NRG3: variants seen among roughly 807,000 people sequenced by gnomAD.
NRG3 encodes the protein pro-neuregulin-3, membrane-bound isoform.
A neutral mutation model predicts 66.9 loss-of-function variants in NRG3; 31 were observed. That is an observed-to-expected ratio of 0.46 (90% CI 0.35 to 0.63). The LOEUF (loss-of-function observed/expected upper bound fraction) is 0.63, where lower values mean the gene tolerates loss of function less well. Ranked by LOEUF, NRG3 falls within the 20% of genes least tolerant of loss-of-function variation. NRG3 has a pLI of 0.00. For synonymous variants in NRG3, 393 were observed against 359.4 expected (o/e 1.09, Z -1.06); for missense variants, 910 against 878.9 (o/e 1.04, Z -0.45).
chr10:82,696,946 G>T (rs1455565652), intron 2 of NRG3, among the ~76,000 whole-genome samples: 1 of 152,174 alleles, frequency 6.6e-6, no homozygotes, highest in Admixed American at 6.5e-5. Context: ...TCCCTCCATT[G>T]CATTTCTGCA....
At chr10:82,383,855 C>T (rs1191405319) in intron 2 of NRG3, among the ~76,000 whole-genome samples, 1 of 151,832 alleles carries the variant, frequency 6.6e-6, no homozygotes, top group Non-Finnish European at 1.5e-5. Flanking sequence ...TCAATGTTCA[C>T]AGATACAAAA....
At chr10:82,952,467 CTCTCTGTG>C (rs1376047239) in intron 5 of NRG3, among the ~76,000 whole-genome samples, 1 of 37,042 alleles carries the variant, frequency 2.7e-5, no homozygotes, top group South Asian at 1.4e-3. Flanking sequence ...CTCTCTCTCT[CTCTCTGTG>C]TGTGTGTGTG....
chr10:82,039,469 G>C (rs1396224524), intron 1 of NRG3, among the ~76,000 whole-genome samples: 1 of 152,034 alleles, frequency 6.6e-6, no homozygotes, highest in South Asian at 2.1e-4. Context: ...TGGCACTAGG[G>C]TATAGCTTCA....
intron 2 of NRG3, among the ~76,000 whole-genome samples, chr10:82,708,942 A>G (rs949868662): frequency 6.6e-6 from 1 of 151,910 alleles, no homozygotes; most frequent in Non-Finnish European, 1.5e-5. Context: ...GCTGTTGGCA[A>G]TTGCCTCTCG....
chr10:82,521,774 G>A (rs1353003270), intron 2 of NRG3, among the ~76,000 whole-genome samples: 1 of 152,048 alleles, frequency 6.6e-6, no homozygotes, highest in African/African-American at 2.4e-5. Context: ...TTAAAAATTG[G>A]GGTCAATCCT....
intron 2 of NRG3, among the ~76,000 whole-genome samples, chr10:82,683,066 C>G (rs962279789): frequency 6.7e-6 from 1 of 149,428 alleles, no homozygotes; most frequent in Admixed American, 6.7e-5. Flanking sequence ...TCACGCCATT[C>G]TCCTGCCTTA....
At chr10:82,738,544 T>G in intron 2 of NRG3, 33 bp from the exon 3 acceptor site, 1 of 1,558,484 alleles carries the variant, frequency 6.4e-7, no homozygotes, top group Non-Finnish European at 8.9e-7. Flanking sequence ...CACAACCACA[T>G]GCGTATGTTT....
chr10:82,948,709 G>C (rs1849251694), intron 4 of NRG3, among the ~76,000 whole-genome samples: 1 of 151,742 alleles, frequency 6.6e-6, no homozygotes, highest in African/African-American at 2.4e-5. Flanking sequence ...ATTTTTCTTT[G>C]TTGCTGTAAA....
intron 1 of NRG3, among the ~76,000 whole-genome samples, chr10:81,999,560 G>T (rs926184504): frequency 4.6e-5 from 7 of 152,086 alleles, no homozygotes; most frequent in African/African-American, 1.7e-4. Context: ...GTTCAAGTTT[G>T]TAATGAGACT....
intron 1 of NRG3, among the ~76,000 whole-genome samples, chr10:81,878,948 T>G (rs532252585): frequency 1.3e-5 from 2 of 152,188 alleles, no homozygotes; most frequent in Admixed American, 1.3e-4. Context: ...TGCTTGCTAA[T>G]GGATAATAGG....
At chr10:81,989,156 G>T (rs1421190406) in intron 1 of NRG3, among the ~76,000 whole-genome samples, 1 of 152,266 alleles carries the variant, frequency 6.6e-6, no homozygotes, top group East Asian at 1.9e-4. Flanking sequence ...ATAGGAATAG[G>T]ATATTGTCAT....
chr10:82,809,378 A>G (rs1004100219), intron 3 of NRG3, among the ~76,000 whole-genome samples: 1 of 150,764 alleles, frequency 6.6e-6, no homozygotes, highest in Admixed American at 6.9e-5. Flanking sequence ...AAAAATATAT[A>G]TTATATTTAT....
intron 2 of NRG3, among the ~76,000 whole-genome samples, chr10:82,503,895 T>G (rs748902781): frequency 3.9e-5 from 6 of 152,034 alleles, no homozygotes; most frequent in Non-Finnish European, 7.4e-5. Context: ...ACTAATGTAG[T>G]GGGGTGTACT....
chr10:82,757,142 T>C (rs193152085), intron 3 of NRG3, among the ~76,000 whole-genome samples: 21 of 152,206 alleles, frequency 1.4e-4, no homozygotes, highest in Non-Finnish European at 2.9e-4. Flanking sequence ...AAAGTGTGTC[T>C]TAGACTTATG....
chr10:82,759,850 A>G (rs2059231856), intron 3 of NRG3, among the ~76,000 whole-genome samples: 1 of 152,110 alleles, frequency 6.6e-6, no homozygotes, highest in Non-Finnish European at 1.5e-5. Context: ...ATACTAATCT[A>G]TTGATGAAAT....
At chr10:82,036,806 A>G (rs1279991230) in intron 1 of NRG3, among the ~76,000 whole-genome samples, 1 of 151,998 alleles carries the variant, frequency 6.6e-6, no homozygotes, top group Non-Finnish European at 1.5e-5. Context: ...CTGTCCCGGC[A>G]CTGCTTATTT....
chr10:82,448,955 A>G (rs1457014851), intron 2 of NRG3, among the ~76,000 whole-genome samples: 1 of 152,184 alleles, frequency 6.6e-6, no homozygotes, highest in African/African-American at 2.4e-5. Flanking sequence ...TAGCTCTGCA[A>G]TTTCTCAAGA....
chr10:82,973,956 C>T, intron 7 of NRG3, 41 bp downstream of exon 7: 1 of 1,611,140 alleles, frequency 6.2e-7, no homozygotes, highest in Non-Finnish European at 8.5e-7. Context: ...CACCTTCACA[C>T]TGTGTGTATG....
At chr10:82,843,290 G>A (rs1415098157) in intron 3 of NRG3, 16 of 450,406 alleles carry the variant, frequency 3.6e-5, no homozygotes, top group Admixed American at 2.4e-4. Flanking sequence ...TGGGTGGGAC[G>A]GGTGTCATTC....
Sources: gnomAD v4.1 joint callset for allele counts (sites outside exome capture counted in the v4.1 genomes callset) on GRCh38, gnomAD v4.1.1 for gene constraint, MANE v1.5 for transcripts, NCBI Gene and HGNC (gene_info 2026-07-23, HGNC 2026-07-21) for gene names.